The following DST variants were observed in gnomAD, a reference collection of about 807,000 sequenced individuals.
DST encodes the protein dystonin, also known as bullous pemphigoid antigen.
In DST, 253 loss-of-function variants were observed where a neutral mutation model predicts 875.2. That is an observed-to-expected ratio of 0.29 (90% CI 0.26 to 0.32). The LOEUF (loss-of-function observed/expected upper bound fraction) is 0.32. DST is among the 10% of genes least tolerant of loss of function. The pLI is 1.00. For synonymous variants in DST, 3,124 were observed against 3,197.1 expected (o/e 0.98, Z 0.77); for missense variants, 8,287 against 9,111.6 (o/e 0.91, Z 3.68).
At chr6:56,471,878 A>G (rs1483022626) in intron 94 of DST, 181 bp downstream of exon 94, 2 of 671,364 alleles carry the variant, frequency 3.0e-6, no homozygotes, top group African/African-American at 1.8e-5. Context: ...CCATATATCA[A>G]TATTTCACAA....
intron 4 of DST, among the ~76,000 whole-genome samples, chr6:56,809,307 C>T (rs1474080312): frequency 2.0e-5 from 3 of 152,282 alleles, no homozygotes; most frequent in Non-Finnish European, 2.9e-5. Context: ...TGCCCCTCCC[C>T]GAGTGAGGCA....
chr6:56,646,133 T>C lies in DST; in HGVS notation c.1604A>G (p.Lys535Arg). 6.5e-7 allele frequency: 1 copy of C among 1,535,342 alleles called. No homozygotes were observed. Among genetic ancestry groups the C allele is most frequent in the Non-Finnish European group, 8.8e-7 (1 of 1,130,106 alleles). Residue 535 changes from lysine (K) to arginine (R), a missense_variant, in exon 14 of 104, where the codon AAG (lysine) becomes AGG (arginine). Physicochemically the swap from Lys to Arg is conservative, Grantham distance 26. Coordinates refer to ENST00000680361, the MANE Select transcript of DST (RefSeq NM_001374736.1). Reference sequence around the variant, plus strand: ...TTTAATTTTTGATTTTTCTGTCTCCTTTGGTGGAATTTCTGTTTCTTTAAA... The same window carrying C: ...TTTAATTTTTGATTTTTCTGTCTCCCTTGGTGGAATTTCTGTTTCTTTAAA... Reference protein sequence around the residue: ...LQFKETEIPPKETEKSKIKRL... With the variant: ...LQFKETEIPPRETEKSKIKRL...
chr6:56,841,411 AAT>A (rs1238921070), intron 4 of DST, among the ~76,000 whole-genome samples: 2 of 152,238 alleles, frequency 1.3e-5, no homozygotes, highest in Non-Finnish European at 2.9e-5. Context: ...ACGTCTGAAC[AAT>A]ATGTTTGAAA....
At chr6:56,842,526 T>G (rs567216979) in intron 4 of DST, among the ~76,000 whole-genome samples, 32 of 152,218 alleles carry the variant, frequency 2.1e-4, no homozygotes, top group Admixed American at 7.8e-4. Context: ...TACAACAAAC[T>G]CACTAAAGTC....
chr6:56,625,090 TA>T, intron 35 of DST, 66 bp downstream of exon 35: 1 of 1,143,612 alleles, frequency 8.7e-7, no homozygotes, highest in Non-Finnish European at 1.3e-6. Context: ...CAACAAAAAA[TA>T]AAATTTAAAA....
At chr6:56,793,129 G>C (rs961536303) in intron 4 of DST, among the ~76,000 whole-genome samples, 4 of 142,662 alleles carry the variant, frequency 2.8e-5, no homozygotes, top group African/African-American at 5.2e-5. Flanking sequence ...CACTGTTCTA[G>C]CAATCCTTAT....
Position 56,635,494 on chromosome 6 carries a change from CA to C in DST, c.3186+94del. The stretch of plus-strand genomic sequence containing the variant: ...GTGTAATTGAATTAGTGGGAAATAT[CA>C]AGAGTGCCAATAAAATACAAAGTTC... On this transcript the variant is annotated intron_variant, in intron 24 of 103. Coordinates refer to ENST00000680361, the MANE Select transcript of DST (RefSeq NM_001374736.1). 3 of 1,261,282 alleles carry C rather than the reference CA, an allele frequency of 2.4e-6. No homozygotes were observed. In the South Asian group the frequency reaches 3.9e-5, roughly 16 times the overall value. 78.1% of individuals were successfully genotyped at this position (1,261,282 alleles called of 1,614,324 possible). A position where few individuals can be genotyped will look rare whatever the true frequency, so the allele number is the denominator to read the frequency against.
At chr6:56,678,571 T>C (rs1051947016) in intron 9 of DST, among the ~76,000 whole-genome samples, 2 of 152,204 alleles carry the variant, frequency 1.3e-5, no homozygotes, top group African/African-American at 4.8e-5. Context: ...CATATATACT[T>C]GGGGGACAGG....
At chr6:56,926,106 A>G (rs1479465841) in intron 2 of DST, among the ~76,000 whole-genome samples, 1 of 151,972 alleles carries the variant, frequency 6.6e-6, no homozygotes, top group South Asian at 2.1e-4. Context: ...ATGAAACACT[A>G]TGTTTACTTT....
In DST at chr6:56,549,878, C is replaced by T. The variant is rs564967778; in HGVS notation, c.16608+2306G>A. On this transcript the variant is annotated intron_variant, in intron 61 of 103. Coordinates refer to ENST00000680361, the MANE Select transcript of DST (RefSeq NM_001374736.1). ...ACATGGATGACAAATAAAGTTTACA[C>T]GAAGCAGTGCATCATTTTCATCAAA... Among the ~76,000 whole-genome samples the T allele has an allele frequency of 6.7e-4, 102 of 152,222 alleles. 1 individual carries two copies. In the South Asian group the frequency reaches 0.02, roughly 30 times the overall value.
intron 8 of DST, among the ~76,000 whole-genome samples, chr6:56,701,183 G>GC (rs1464332175): frequency 6.6e-6 from 1 of 151,292 alleles, no homozygotes; most frequent in South Asian, 2.1e-4. Flanking sequence ...AAAAATTGCT[G>GC]CCCCCTCTGA....
intron 4 of DST, among the ~76,000 whole-genome samples, chr6:56,799,012 C>A (rs1045141603): frequency 3.3e-5 from 5 of 152,190 alleles, no homozygotes; most frequent in African/African-American, 9.7e-5. Context: ...GGAGTTGCTT[C>A]TTATGGATCA....
At chr6:56,942,857 T>C (rs373307360) in intron 2 of DST, among the ~76,000 whole-genome samples, 98 of 151,992 alleles carry the variant, frequency 6.4e-4, no homozygotes, top group African/African-American at 2.2e-3. Flanking sequence ...GTTAGGACTA[T>C]AGGAGCACAT....
chr6:56,843,194 TA>T, intron 4 of DST: 1 of 1,501,192 alleles, frequency 6.7e-7, no homozygotes, highest in Non-Finnish European at 9.0e-7. Flanking sequence ...CTCCCCCTCG[TA>T]ACCCCCGGAC....
At chr6:56,780,639 T>G (rs1188483644) in intron 4 of DST, among the ~76,000 whole-genome samples, 2 of 151,992 alleles carry the variant, frequency 1.3e-5, no homozygotes, top group African/African-American at 2.4e-5. Flanking sequence ...CTTTGTCAGA[T>G]GAGTAGGTTG....
rs1341278643 is a variant in DST, at chr6:56,487,281, T to A, written c.20878-8A>T. 1 of 1,530,470 alleles carries A rather than the reference T, an allele frequency of 6.5e-7. No homozygotes were observed. Among genetic ancestry groups the A allele is most frequent in the African/African-American group, 1.4e-5 (1 of 72,190 alleles). 94.8% of individuals were successfully genotyped at this position (1,530,470 alleles called of 1,614,324 possible). On this transcript the variant is annotated splice_polypyrimidine_tract_variant and splice_region_variant and intron_variant, in intron 86 of 103. Transcript: ENST00000680361. ...GAGTGATTTCTGAAACTCCTAAATA[T>A]TTAACAAGAAAAAAATGCGAATTTC...
chr6:56,729,882 TC>T (rs2099490051), intron 5 of DST, among the ~76,000 whole-genome samples: 1 of 152,148 alleles, frequency 6.6e-6, no homozygotes, highest in South Asian at 2.1e-4. Flanking sequence ...AATTAAGCTT[TC>T]CAAAGTCGTG....
intron 71 of DST, among the ~76,000 whole-genome samples, 199 bp from the exon 72 acceptor site, chr6:56,515,867 T>G (rs1189538799): frequency 6.6e-6 from 1 of 151,998 alleles, no homozygotes; most frequent in Non-Finnish European, 1.5e-5. Flanking sequence ...TGCCTCAAGT[T>G]TTTATGAATA....
chr6:56,692,533 G>C (rs1302670231), intron 9 of DST: 2 of 1,289,490 alleles, frequency 1.6e-6, no homozygotes, highest in Non-Finnish European at 1.0e-6. Flanking sequence ...ATAACTTTTT[G>C]GTGGGTCTTC....
Sources: gnomAD v4.1 joint callset for allele counts (sites outside exome capture counted in the v4.1 genomes callset) on GRCh38, gnomAD v4.1.1 for gene constraint, MANE v1.5 for transcripts, NCBI Gene and HGNC (gene_info 2026-07-23, HGNC 2026-07-21) for gene names.